The following EGFLAM variants were observed in gnomAD, a reference collection of about 807,000 sequenced individuals.
EGFLAM encodes pikachurin.
Under a neutral mutation model 113.1 loss-of-function variants are expected in EGFLAM, and 79 were observed. That is an observed-to-expected ratio of 0.70 (90% CI 0.58 to 0.84). The LOEUF (loss-of-function observed/expected upper bound fraction) is 0.84, where lower values mean the gene tolerates loss of function less well. Ranked by LOEUF, EGFLAM falls within the 40% of genes least tolerant of loss-of-function variation. The pLI is 0.00. For synonymous variants in EGFLAM, 504 were observed against 487.6 expected (o/e 1.03, Z -0.44); for missense variants, 1,265 against 1,291.6 (o/e 0.98, Z 0.32).
intron 1 of EGFLAM, among the ~76,000 whole-genome samples, chr5:38,277,283 C>A (rs1207726579): frequency 6.6e-6 from 1 of 152,114 alleles, no homozygotes; most frequent in Admixed American, 6.5e-5. Flanking sequence ...AAATGTGATA[C>A]CTCACATTAA....
intron 3 of EGFLAM, among the ~76,000 whole-genome samples, 169 bp downstream of exon 3, chr5:38,338,950 A>G (rs758426523): frequency 3.9e-5 from 6 of 152,256 alleles, no homozygotes; most frequent in Admixed American, 3.9e-4. Context: ...GAACCATGCC[A>G]TCTACATCTC....
At chr5:38,349,345 T>A (rs558579516) in intron 3 of EGFLAM, among the ~76,000 whole-genome samples, 3 of 152,282 alleles carry the variant, frequency 2.0e-5, no homozygotes, top group Admixed American at 2.0e-4. Flanking sequence ...TCAGGGAGCC[T>A]AGGTAAGCAG....
At chr5:38,334,777 C>T (rs1450194753) in intron 1 of EGFLAM, among the ~76,000 whole-genome samples, 1 of 152,154 alleles carries the variant, frequency 6.6e-6, no homozygotes, top group Admixed American at 6.6e-5. Flanking sequence ...GTTACTTATA[C>T]ATCTCATGTA....
chr5:38,304,457 T>C (rs1006999071), intron 1 of EGFLAM, among the ~76,000 whole-genome samples: 14 of 152,336 alleles, frequency 9.2e-5, no homozygotes, highest in Middle Eastern at 3.4e-3. Flanking sequence ...TATATATACA[T>C]GGGATGCGGA....
intron 1 of EGFLAM, among the ~76,000 whole-genome samples, chr5:38,269,492 C>CTT (rs372732442): frequency 2.6e-4 from 36 of 138,012 alleles, no homozygotes; most frequent in African/African-American, 2.4e-4. Context: ...CTTTTCTTTT[C>CTT]TTTTTTTTTT....
At chr5:38,401,657 C>G (rs1261609930) in intron 6 of EGFLAM, among the ~76,000 whole-genome samples, 1 of 152,124 alleles carries the variant, frequency 6.6e-6, no homozygotes, top group Non-Finnish European at 1.5e-5. Flanking sequence ...TGTCACTCCT[C>G]TCAAAGGTGT....
At position 38,372,335 on chromosome 5, in the gene EGFLAM, G is replaced by T. The variant is rs555778124; in HGVS notation, c.712+1873G>T. Reference sequence around the variant, plus strand: ...TTTTTGTATTTTTAGTAGAGACGGGGTTTCACCACGTTGGCCAGGCTGGTC... The same window carrying T: ...TTTTTGTATTTTTAGTAGAGACGGGTTTTCACCACGTTGGCCAGGCTGGTC... On this transcript the variant is annotated intron_variant, in intron 6 of 21. Transcript: ENST00000322350. 3.3e-5 allele frequency among the ~76,000 whole-genome samples: 5 copies of T among 152,194 alleles called. No individual in the cohort carries two copies. In the South Asian group the frequency reaches 1.0e-3, roughly 32 times the overall value.
chr5:38,389,538 TA>T lies in EGFLAM; in HGVS notation c.713-16585del, dbSNP rs368344795. ...ATGTAGAAATCACCATGTTGAGTCC[TA>T]AAGTTTTTTCTTTATACTATAAAAA... is the stretch of plus-strand genomic sequence containing the variant. On this transcript the variant is annotated intron_variant, in intron 6 of 21. Coordinates refer to ENST00000322350, the MANE Select transcript of EGFLAM (RefSeq NM_152403.4). Among the ~76,000 whole-genome samples, 184 of 152,302 alleles carry T rather than the reference TA, an allele frequency of 1.2e-3. 7 individuals carry two copies. The South Asian group carries it at 0.037, about 31-fold the overall frequency.
chr5:38,429,426 C>T (rs1251078521), intron 14 of EGFLAM, among the ~76,000 whole-genome samples: 1 of 152,180 alleles, frequency 6.6e-6, no homozygotes, highest in Non-Finnish European at 1.5e-5. Flanking sequence ...AATAATTGTG[C>T]CCATTGGTAT....
At chr5:38,412,418 T>C (rs1741508861) in intron 10 of EGFLAM, 86 bp from the exon 11 acceptor site, 5 of 1,599,664 alleles carry the variant, frequency 3.1e-6, no homozygotes, top group African/African-American at 1.3e-5. Flanking sequence ...AAGGGAGCTG[T>C]TGACCTGGAA....
chr5:38,429,681 T>C (rs547977042), intron 14 of EGFLAM, among the ~76,000 whole-genome samples: 5 of 152,314 alleles, frequency 3.3e-5, no homozygotes, highest in South Asian at 2.1e-4. Flanking sequence ...AAATATGGAA[T>C]CTATTTCCCT....
At chr5:38,358,467 A>AAG (rs1226752576) in intron 5 of EGFLAM, among the ~76,000 whole-genome samples, 1 of 151,302 alleles carries the variant, frequency 6.6e-6, no homozygotes. Flanking sequence ...AAAAAAAAAA[A>AAG]AGATTAACCT....
At chr5:38,414,210 G>C (rs1383728985) in intron 11 of EGFLAM, among the ~76,000 whole-genome samples, 3 of 152,216 alleles carry the variant, frequency 2.0e-5, no homozygotes, top group African/African-American at 7.2e-5. Context: ...TAGTAAATGT[G>C]AATCCAGGGA....
intron 1 of EGFLAM, among the ~76,000 whole-genome samples, chr5:38,318,219 T>C (rs1456384589): frequency 6.6e-6 from 1 of 151,900 alleles, no homozygotes. Flanking sequence ...TTTAGACTTA[T>C]TAATTTTAGA....
chr5:38,462,776 C>G (rs1225830018), intron 20 of EGFLAM, 132 bp from the exon 21 acceptor site: 2 of 1,006,534 alleles, frequency 2.0e-6, no homozygotes, highest in Non-Finnish European at 2.9e-6. Flanking sequence ...TTGATTTCTG[C>G]AGCCCCATCA....
At chr5:38,307,649 T>A (rs1195217361) in intron 1 of EGFLAM, among the ~76,000 whole-genome samples, 2 of 152,160 alleles carry the variant, frequency 1.3e-5, no homozygotes, top group African/African-American at 4.8e-5. Flanking sequence ...AAATCTCTGC[T>A]GAGCTCCACT....
At chr5:38,389,309 C>T (rs1740751324) in intron 6 of EGFLAM, among the ~76,000 whole-genome samples, 1 of 152,098 alleles carries the variant, frequency 6.6e-6, no homozygotes, top group African/African-American at 2.4e-5. Context: ...TGTTGAATAC[C>T]AGAGTTTTTC....
chr5:38,289,519 C>A (rs745400640), intron 1 of EGFLAM, among the ~76,000 whole-genome samples: 1 of 152,156 alleles, frequency 6.6e-6, no homozygotes, highest in Non-Finnish European at 1.5e-5. Context: ...TACTGAGTGA[C>A]CCAAGCTCCA....
intron 8 of EGFLAM, 59 bp downstream of exon 8, chr5:38,407,205 GGC>G: frequency 6.4e-7 from 1 of 1,572,528 alleles, no homozygotes; most frequent in East Asian, 2.3e-5. Context: ...ACAGCCAGAG[GGC>G]AGTTTTGTGG....
Sources: allele counts gnomAD v4.1 joint callset (sites outside exome capture counted in the v4.1 genomes callset), GRCh38; gene constraint gnomAD v4.1.1; transcripts MANE v1.5; gene names NCBI Gene and HGNC (gene_info 2026-07-23, HGNC 2026-07-21).